ROCK2: variants seen among roughly 807,000 people sequenced by gnomAD.
ROCK2 encodes Rho associated coiled-coil containing protein kinase 2.
Under a neutral mutation model 195.1 loss-of-function variants are expected in ROCK2, and 61 were observed. The ratio of observed to expected loss-of-function variants is 0.31; its 90% CI spans 0.25 to 0.39. The LOEUF (loss-of-function observed/expected upper bound fraction) is 0.39, where lower values mean the gene tolerates loss of function less well. Among genes scored for constraint, ROCK2 ranks in the 10% least tolerant of loss-of-function variants. ROCK2 has a pLI of 1.00. For missense variants in ROCK2, 1,109 were observed against 1,637.4 expected, an observed-to-expected ratio of 0.68 and a Z score of 5.57; for synonymous variants, 504 against 545.5, an observed-to-expected ratio of 0.92 and a Z score of 1.06.
chr2:11,332,906 G>A (rs1384742153), intron 1 of ROCK2, among the ~76,000 whole-genome samples: 2 of 152,180 alleles, frequency 1.3e-5, no homozygotes, highest in African/African-American at 2.4e-5. Context: ...GGTAAAAGAA[G>A]CCAGGTAGAA....
intron 32 of ROCK2, among the ~76,000 whole-genome samples, chr2:11,188,815 G>A (rs1173084543): frequency 6.6e-6 from 1 of 151,624 alleles, no homozygotes; most frequent in Admixed American, 6.6e-5. Context: ...TAGTAGAGAT[G>A]GGGTTTCACT....
At chr2:11,194,772 G>C (rs1179224550) in intron 28 of ROCK2, among the ~76,000 whole-genome samples, 183 bp downstream of exon 28, 3 of 130,132 alleles carry the variant, frequency 2.3e-5, no homozygotes, top group African/African-American at 5.1e-5. Context: ...TTATTAACAA[G>C]GTATGAGGAC....
intron 1 of ROCK2, among the ~76,000 whole-genome samples, chr2:11,298,971 T>C (rs1667621534): frequency 6.6e-6 from 1 of 152,196 alleles, no homozygotes; most frequent in Non-Finnish European, 1.5e-5. Context: ...ATATTCCACA[T>C]TAAAAAATCG....
chr2:11,314,695 T>C (rs1668138629), intron 1 of ROCK2, among the ~76,000 whole-genome samples: 1 of 152,034 alleles, frequency 6.6e-6, no homozygotes, highest in South Asian at 2.1e-4. Flanking sequence ...GTTTTGCATT[T>C]GCCACTAAAG....
At chr2:11,306,557 T>C (rs1299814038) in intron 1 of ROCK2, among the ~76,000 whole-genome samples, 2 of 152,238 alleles carry the variant, frequency 1.3e-5, no homozygotes, top group Non-Finnish European at 2.9e-5. Flanking sequence ...AGTTACTAAA[T>C]ATTCATTAAA....
intron 3 of ROCK2, among the ~76,000 whole-genome samples, chr2:11,258,223 T>A (rs887616962): frequency 6.6e-6 from 1 of 151,436 alleles, no homozygotes; most frequent in Non-Finnish European, 1.5e-5. Flanking sequence ...ACATGGTGAA[T>A]GCATGAGTGA....
chr2:11,269,458 C>A (rs1324289986), intron 3 of ROCK2, among the ~76,000 whole-genome samples: 2 of 151,448 alleles, frequency 1.3e-5, no homozygotes, highest in Non-Finnish European at 2.9e-5. Context: ...TTGCAGTGAG[C>A]CAAGACTGCA....
At chr2:11,262,098 C>T (rs939608742) in intron 3 of ROCK2, among the ~76,000 whole-genome samples, 3 of 152,098 alleles carry the variant, frequency 2.0e-5, no homozygotes, top group Non-Finnish European at 2.9e-5. Context: ...ATGAATTTCC[C>T]GTCACTAGTC....
intron 3 of ROCK2, among the ~76,000 whole-genome samples, chr2:11,271,755 C>T (rs910136984): frequency 1.1e-4 from 17 of 152,114 alleles, no homozygotes; most frequent in East Asian, 1.9e-4. Flanking sequence ...GGGCTGGGCG[C>T]GGTGGCTCAC....
intron 3 of ROCK2, among the ~76,000 whole-genome samples, chr2:11,259,028 G>A (rs1357390436): frequency 2.6e-5 from 4 of 151,312 alleles, no homozygotes; most frequent in African/African-American, 9.8e-5. Context: ...AGAGGGGAAG[G>A]AGCTAGACAA....
At position 11,227,370 on chromosome 2, in the gene ROCK2, A is replaced by G. The variant is rs2148086670; in HGVS notation, c.752T>C (p.Val251Ala). Residue 251 changes from valine to alanine, a missense_variant, in exon 6 of 33, where the codon GTT becomes GCT. Physicochemically the swap from Val to Ala is moderately conservative, Grantham distance 64. Around this residue, in one of 6 missense-constraint regions of ROCK2, gnomAD observed 253 missense variants for 455.5 expected, o/e 0.56. Coordinates refer to ENST00000315872, the MANE Select transcript of ROCK2 (RefSeq NM_004850.5). ...AGGTGATATATAATCCGGTGTTCCA[A>G]CTGCTGTATCACAATGTACCATGCC... ...ETGMVHCDTA[V>A]GTPDYISPEV... 1 of 1,613,760 alleles carries G rather than the reference A, an allele frequency of 6.2e-7. No homozygotes were observed. Among genetic ancestry groups the G allele is most frequent in the South Asian group, 1.1e-5 (1 of 91,058 alleles).
In ROCK2 at chr2:11,201,957, CCAGCTGCTCT is replaced by C; in HGVS notation, c.2619+85_2619+94del. 1.1e-6 allele frequency: 1 copy of C among 885,076 alleles called. No homozygotes were observed. Among genetic ancestry groups the C allele is most frequent in the Middle Eastern group, 2.2e-4 (1 of 4,504 alleles). The allele number at this position is 885,076 out of a possible 1,614,324, so 54.8% of individuals were successfully genotyped here. On this transcript the variant is annotated intron_variant, in intron 21 of 32. Transcript: ENST00000315872. This position sits in a 1 kb window ranked among gnomAD's most constrained non-coding sequence, Gnocchi z 4.6. ...TCTTAAACTATCTACATTCTTTTGC[CCAGCTGCTCT>C]TTTTATATGAGTTGTATGGTATAAA...
intron 27 of ROCK2, among the ~76,000 whole-genome samples, chr2:11,196,324 C>T (rs1377846658): frequency 2.6e-5 from 4 of 152,170 alleles, no homozygotes; most frequent in Non-Finnish European, 5.9e-5. Flanking sequence ...AAACCTTAAG[C>T]ATATCCTTTG....
chr2:11,330,757 GGAGGGA>G (rs1668700674), intron 1 of ROCK2, among the ~76,000 whole-genome samples: 1 of 108,918 alleles, frequency 9.2e-6, no homozygotes, highest in African/African-American at 3.3e-5. Context: ...GGGAGGAGGA[GGAGGGA>G]GGAGGAGGAG....
At chr2:11,183,512 G>C in intron 32 of ROCK2, 72 bp from the exon 33 acceptor site, 1 of 1,152,786 alleles carries the variant, frequency 8.7e-7, no homozygotes, top group Non-Finnish European at 1.3e-6. Flanking sequence ...CCTAGAAAAA[G>C]CATTCCATTC....
intron 7 of ROCK2, among the ~76,000 whole-genome samples, chr2:11,223,110 T>C (rs1238804640): frequency 6.6e-6 from 1 of 152,120 alleles, no homozygotes; most frequent in Admixed American, 6.5e-5. Context: ...GCGTCTCTCC[T>C]TCTTTTCAAA....
At chr2:11,200,894 AAAG>A (rs1663826801) in intron 23 of ROCK2, 60 bp downstream of exon 23, 1 of 1,403,198 alleles carries the variant, frequency 7.1e-7, no homozygotes, top group Non-Finnish European at 9.7e-7. Flanking sequence ...TAGTATGTCT[AAAG>A]AAGGTTTAAG....
chr2:11,243,499 A>C (rs1323387398), intron 4 of ROCK2, among the ~76,000 whole-genome samples: 4 of 152,240 alleles, frequency 2.6e-5, no homozygotes, highest in Non-Finnish European at 5.9e-5. Flanking sequence ...CAACATTAAC[A>C]GTCATAAATA....
intron 23 of ROCK2, among the ~76,000 whole-genome samples, chr2:11,199,237 C>T (rs1462157853): frequency 6.6e-6 from 1 of 152,002 alleles, no homozygotes; most frequent in Non-Finnish European, 1.5e-5. Flanking sequence ...ACGTGTTTTG[C>T]CTTTCCACCC....
Sources: gnomAD v4.1 joint callset for allele counts (sites outside exome capture counted in the v4.1 genomes callset) on GRCh38, gnomAD v4.1.1 for gene constraint, gnomAD v4.1.1 regional missense constraint, Gnocchi (gnomAD v3.1) non-coding constraint, MANE v1.5 for transcripts, NCBI Gene and HGNC (gene_info 2026-07-23, HGNC 2026-07-21) for gene names.